The following RHEX variants were observed in gnomAD, a reference collection of about 807,000 sequenced individuals.
RHEX encodes regulator of hemoglobinization and erythroid cell expansion, also known as regulator of hemoglobinization and erythroid cell expansion protein.
A neutral mutation model predicts 20.1 loss-of-function variants in RHEX; 18 were observed. That is an observed-to-expected ratio of 0.90 (90% CI 0.62 to 1.33). The LOEUF is 1.33. Among genes scored for constraint, RHEX ranks in the 40% most tolerant of loss-of-function variants. The pLI is 0.00. For missense variants in RHEX, 192 were observed against 214.3 expected (o/e 0.90, Z 0.65); for synonymous variants, 87 against 77.1 (o/e 1.13, Z -0.67).
chr1:206,060,822 G>T (rs951732285), intron 1 of RHEX: 16 of 152,314 alleles, frequency 1.1e-4, no homozygotes, highest in Admixed American at 8.5e-4. Flanking sequence ...CTGAAGAAAT[G>T]GAGGCAAGAG....
chr1:206,092,749 C>T (rs1662983936), intron 1 of RHEX, among the ~76,000 whole-genome samples: 1 of 151,966 alleles, frequency 6.6e-6, no homozygotes, highest in African/African-American at 2.4e-5. Flanking sequence ...TTAATAGTCC[C>T]TATATTATTA....
At chr1:206,101,385 A>C (rs1185287534) in intron 5 of RHEX, among the ~76,000 whole-genome samples, 188 bp downstream of exon 5, 1 of 152,126 alleles carries the variant, frequency 6.6e-6, no homozygotes, top group Non-Finnish European at 1.5e-5. Flanking sequence ...TGCATGGATC[A>C]CCCAAACAAA....
rs1214947597 is a variant in RHEX, at chr1:206,102,043, T to C, written c.*91T>C. ...CCATTTTTCCCCCTTAAACAAGGCA[T>C]GGGGCTCACAAGTCTATGGAGACAG... On this transcript the variant is annotated 3_prime_UTR_variant, in exon 6 of 6. Transcript: ENST00000331555. The C allele has an allele frequency of 1.6e-5, 17 of 1,059,962 alleles. No individual in the cohort carries two copies. In the Admixed American group the frequency reaches 3.2e-4, roughly 20 times the overall value. 65.7% of individuals were successfully genotyped at this position (1,059,962 alleles called of 1,614,324 possible).
At chr1:206,085,231 T>C (rs546160657) in intron 1 of RHEX, among the ~76,000 whole-genome samples, 10 of 152,214 alleles carry the variant, frequency 6.6e-5, no homozygotes, top group Admixed American at 2.0e-4. Flanking sequence ...GTGTACAGAG[T>C]GTTACACATT....
intron 1 of RHEX, among the ~76,000 whole-genome samples, chr1:206,086,844 C>G (rs1414212687): frequency 6.6e-6 from 1 of 151,634 alleles, no homozygotes; most frequent in African/African-American, 2.4e-5. Flanking sequence ...TCCTGTCTCT[C>G]AAAAATTAAA....
rs537595374 is a variant in RHEX, at chr1:206,070,452, G to T, written c.-97+17187G>T. Among the ~76,000 whole-genome samples, 11 of 152,176 alleles carry T rather than the reference G, an allele frequency of 7.2e-5. 1 individual carries two copies. In the East Asian group the frequency reaches 2.1e-3, roughly 29 times the overall value. On this transcript the variant is annotated intron_variant, in intron 1 of 5. Coordinates refer to ENST00000331555, the MANE Select transcript of RHEX (RefSeq NM_001007544.4). ...TCCTGGGAAAGCATAATTCTGGAAG[G>T]CTCTGAACATCCCCAAAGAAAAAAA...
chr1:206,101,028 CCT>C, intron 4 of RHEX, 106 bp from the exon 5 acceptor site: 1 of 824,848 alleles, frequency 1.2e-6, no homozygotes, highest in Non-Finnish European at 1.9e-6. Context: ...GCTGGCTCTG[CCT>C]CTGTCTTTAT....
chr1:206,093,939 A>G (rs1356168591), intron 1 of RHEX, among the ~76,000 whole-genome samples: 1 of 152,140 alleles, frequency 6.6e-6, no homozygotes, highest in Non-Finnish European at 1.5e-5. Context: ...TCGCTCTCCC[A>G]AAGTGCTGAG....
chr1:206,078,207 A>T (rs1662670426), intron 1 of RHEX, among the ~76,000 whole-genome samples: 1 of 152,168 alleles, frequency 6.6e-6, no homozygotes, highest in African/African-American at 2.4e-5. Context: ...ATTTCTGGTC[A>T]TAAGCATCTT....
intron 4 of RHEX, among the ~76,000 whole-genome samples, chr1:206,100,264 G>A (rs1663162200): frequency 6.6e-6 from 1 of 152,138 alleles, no homozygotes; most frequent in Admixed American, 6.5e-5. Flanking sequence ...ATGGGTATCT[G>A]AGTGTATAAA....
At chr1:206,091,731 T>C (rs1662954072) in intron 1 of RHEX, among the ~76,000 whole-genome samples, 1 of 152,220 alleles carries the variant, frequency 6.6e-6, no homozygotes. Context: ...AGTGGTAATG[T>C]CTATTTTTGT....
chr1:206,058,863 T>G (rs1332835308), intron 1 of RHEX, among the ~76,000 whole-genome samples: 1 of 152,206 alleles, frequency 6.6e-6, no homozygotes, highest in East Asian at 1.9e-4. Context: ...AAGCCCTTCC[T>G]TCTACAATTC....
intron 1 of RHEX, among the ~76,000 whole-genome samples, chr1:206,068,259 G>A (rs1444092626): frequency 6.6e-6 from 1 of 152,192 alleles, no homozygotes; most frequent in South Asian, 2.1e-4. Context: ...CAAATAAGGA[G>A]AGGAAAGCAA....
chr1:206,093,306 C>T (rs1324759424), intron 1 of RHEX, among the ~76,000 whole-genome samples: 1 of 150,420 alleles, frequency 6.6e-6, no homozygotes, highest in East Asian at 1.9e-4. Flanking sequence ...GAGTCTTGCT[C>T]TGTCACACAG....
At chr1:206,101,221 C>T (rs1553288344) in intron 5 of RHEX, 24 bp downstream of exon 5, 6 of 1,587,626 alleles carry the variant, frequency 3.8e-6, no homozygotes, top group Non-Finnish European at 5.2e-6. Flanking sequence ...CTAGTGATCT[C>T]AGACGAACAT....
intron 1 of RHEX, among the ~76,000 whole-genome samples, chr1:206,058,467 T>C (rs1197596172): frequency 6.6e-6 from 1 of 152,260 alleles, no homozygotes; most frequent in Non-Finnish European, 1.5e-5. Context: ...TGTTTTATAT[T>C]GTTTTATACT....
chr1:206,075,111 A>T (rs1455807672), intron 1 of RHEX, among the ~76,000 whole-genome samples: 1 of 152,250 alleles, frequency 6.6e-6, no homozygotes, highest in Non-Finnish European at 1.5e-5. Context: ...TAAGAAAAAG[A>T]GGAAGCATTC....
At chr1:206,085,567 T>C (rs1254009691) in intron 1 of RHEX, among the ~76,000 whole-genome samples, 2 of 152,206 alleles carry the variant, frequency 1.3e-5, no homozygotes, top group Non-Finnish European at 2.9e-5. Flanking sequence ...TAGTAGTTCC[T>C]TGCAAAACTG....
intron 1 of RHEX, among the ~76,000 whole-genome samples, chr1:206,073,145 T>C (rs1376962613): frequency 6.6e-6 from 1 of 152,178 alleles, no homozygotes; most frequent in Non-Finnish European, 1.5e-5. Context: ...GCTCCTCCTG[T>C]GTCTTTACCA....
Sources: allele counts gnomAD v4.1 joint callset (sites outside exome capture counted in the v4.1 genomes callset), GRCh38; gene constraint gnomAD v4.1.1; transcripts MANE v1.5; gene names NCBI Gene and HGNC (gene_info 2026-07-23, HGNC 2026-07-21).